ZNF250: variants seen among roughly 807,000 people sequenced by gnomAD.
ZNF250 encodes the protein zinc finger protein 250.
In ZNF250, 13 loss-of-function variants were observed where a neutral mutation model predicts 37.1. That is an observed-to-expected ratio of 0.35 (90% CI 0.23 to 0.56). ZNF250 has a LOEUF of 0.56. Among genes scored for constraint, ZNF250 ranks in the 20% least tolerant of loss-of-function variants. ZNF250 has a pLI of 0.87. For missense variants in ZNF250, 474 were observed against 697.9 expected (o/e 0.68, Z 3.61); for synonymous variants, 251 against 265.6 (o/e 0.94, Z 0.54).
Position 144,889,674 on chromosome 8 carries a change from C to G in ZNF250, c.190G>C (p.Asp64His). The G allele has an allele frequency of 6.2e-7, 1 of 1,613,954 alleles. No individual in the cohort carries two copies. Residue 64 changes from aspartate (D) to histidine (H), a missense_variant, in exon 4 of 6, where the codon GAC becomes CAC. Around this residue, in one of 2 missense-constraint regions of ZNF250, gnomAD observed 192 missense variants for 227.5 expected, o/e 0.84. Transcript: ENST00000417550. The part of the protein sequence containing the change: ...VSLGLPGSKP[D>H]IISQLERGED... ...CCTCGCTCCAGCTGGGAGATTATGT[C>G]AGGCTTGGATCCTGGAAGTCCTGCT...
Position 144,879,984 on chromosome 8 carries a change from T to C in ZNF250, c.*1531A>G, listed in dbSNP as rs1327497754. 6.5e-6 allele frequency: 1 copy of C among 152,724 alleles called. No individual in the cohort carries two copies. The highest frequency in any genetic ancestry group is 2.4e-5 in the African/African-American group (1 of 41,368). The allele number at this position is 152,724 out of a possible 1,614,324, so 9.5% of individuals were successfully genotyped here. A position where few individuals can be genotyped will look rare whatever the true frequency, so the allele number is the denominator to read the frequency against. On this transcript the variant is annotated 3_prime_UTR_variant, in exon 6 of 6. Transcript: ENST00000417550. ...GGGAGGCAGAGGCAGGAGAATTGCT[T>C]GAACCTGGGAGGTGGAGATTGCAGT...
At chr8:144,896,184 AC>A (rs1003172086) in intron 1 of ZNF250, among the ~76,000 whole-genome samples, 2 of 151,664 alleles carry the variant, frequency 1.3e-5, no homozygotes, top group Non-Finnish European at 2.9e-5. Context: ...ATATAGTGAG[AC>A]CCCGTCTCTA....
chr8:144,880,496 A>AT lies in ZNF250; in HGVS notation c.*1018dup, dbSNP rs1831394354. 3 of 456,630 alleles carry AT rather than the reference A, an allele frequency of 6.6e-6. 1 individual carries two copies. In the Admixed American group the frequency reaches 7.0e-5, roughly 11 times the overall value. 28.3% of individuals were successfully genotyped at this position (456,630 alleles called of 1,614,324 possible). On this transcript the variant is annotated 3_prime_UTR_variant, in exon 6 of 6. Transcript: ENST00000417550. ...AGGGCAAGTTTTGAGGAAAATACCC[A>AT]TTTTTGAGTTGAATTTTTACTAAAA...
At chr8:144,898,692 G>C (rs766049453) in intron 1 of ZNF250, among the ~76,000 whole-genome samples, 6 of 152,192 alleles carry the variant, frequency 3.9e-5, no homozygotes, top group Non-Finnish European at 7.3e-5. Context: ...CTATCCATCC[G>C]ATAAGGGATT....
intron 1 of ZNF250, among the ~76,000 whole-genome samples, chr8:144,894,088 C>G (rs1261902646): frequency 6.6e-6 from 1 of 152,046 alleles, no homozygotes; most frequent in Non-Finnish European, 1.5e-5. Context: ...TTTAACATCC[C>G]AAACCAAGCA....
At chr8:144,892,766 C>G (rs189102502) in intron 1 of ZNF250, among the ~76,000 whole-genome samples, 1 of 152,106 alleles carries the variant, frequency 6.6e-6, no homozygotes, top group African/African-American at 2.4e-5. Context: ...CCATGTTGGT[C>G]AGGCTGGTCT....
At chr8:144,884,887 T>A (rs910518940) in intron 5 of ZNF250, among the ~76,000 whole-genome samples, 25 of 152,220 alleles carry the variant, frequency 1.6e-4, no homozygotes, top group Non-Finnish European at 1.5e-5. Context: ...TAACATCATG[T>A]CACAGTGGTT....
intron 5 of ZNF250, among the ~76,000 whole-genome samples, chr8:144,885,465 CTA>C (rs1831805709): frequency 6.6e-6 from 1 of 151,402 alleles, no homozygotes; most frequent in African/African-American, 2.4e-5. Context: ...GAAAGTCACT[CTA>C]TGTGGGTTTT....
intron 1 of ZNF250, among the ~76,000 whole-genome samples, chr8:144,894,530 C>T (rs866623111): frequency 6.6e-6 from 1 of 151,962 alleles, no homozygotes; most frequent in African/African-American, 2.4e-5. Flanking sequence ...CTCATCCTAT[C>T]CCTTTCTCCT....
intron 1 of ZNF250, among the ~76,000 whole-genome samples, chr8:144,899,905 G>T (rs1358862121): frequency 6.6e-6 from 1 of 152,148 alleles, no homozygotes; most frequent in East Asian, 1.9e-4. Flanking sequence ...TTGGAGTGGG[G>T]AAAGCCCTTT....
In ZNF250 at chr8:144,882,924, G is replaced by A. The variant is rs1438992903; in HGVS notation, c.347-88C>T. On this transcript the variant is annotated intron_variant, in intron 5 of 5. Coordinates refer to ENST00000417550, the MANE Select transcript of ZNF250 (RefSeq NM_001109689.4). The surrounding 1 kb of genome is among the most constrained non-coding windows in gnomAD (Gnocchi z 5.5). Reference sequence around the variant, plus strand: ...CCTGAAACTGGCCTTGCTGATGAAGGTGCAAAATCCCTCAATGCACACGTT... The same window carrying A: ...CCTGAAACTGGCCTTGCTGATGAAGATGCAAAATCCCTCAATGCACACGTT... 2.7e-6 allele frequency: 4 copies of A among 1,479,018 alleles called. No individual in the cohort carries two copies. The Admixed American group carries it at 6.4e-5, about 24-fold the overall frequency. 91.6% of individuals were successfully genotyped at this position (1,479,018 alleles called of 1,614,324 possible).
chr8:144,884,798 T>C (rs1044045132), intron 5 of ZNF250, among the ~76,000 whole-genome samples: 5 of 152,216 alleles, frequency 3.3e-5, no homozygotes, highest in African/African-American at 1.2e-4. Context: ...TATGTGAATT[T>C]ACATCCCTAT....
intron 1 of ZNF250, among the ~76,000 whole-genome samples, chr8:144,898,786 T>A (rs1832893101): frequency 2.6e-5 from 4 of 152,000 alleles, no homozygotes; most frequent in Admixed American, 2.6e-4. Context: ...ATGATCTGAG[T>A]AATTTATCAA....
chr8:144,899,885 A>T (rs1832985511), intron 1 of ZNF250, among the ~76,000 whole-genome samples: 1 of 152,244 alleles, frequency 6.6e-6, no homozygotes, highest in South Asian at 2.1e-4. Flanking sequence ...AGTTTATTTT[A>T]AAAATAATCT....
chr8:144,894,951 C>T (rs146259278), intron 1 of ZNF250, among the ~76,000 whole-genome samples: 1 of 152,200 alleles, frequency 6.6e-6, no homozygotes, highest in African/African-American at 2.4e-5. Context: ...GGCCTGAGAA[C>T]ACCACACCCG....
Position 144,881,545 on chromosome 8 carries a change from G to C in ZNF250, c.1638C>G (p.Ile546Met). 1.9e-6 allele frequency: 3 copies of C among 1,602,866 alleles called. No individual in the cohort carries two copies. Among genetic ancestry groups the C allele is most frequent in the Non-Finnish European group, 2.6e-6 (3 of 1,171,548 alleles). The change falls in exon 6 of 6, where the codon ATC becomes ATG. Residue 546 changes from isoleucine (I) to methionine (M), a missense_variant. Physicochemically the swap from Ile to Met is conservative, Grantham distance 10. This residue lies in a region of ZNF250 where 282 missense variants were observed against 470.4 expected (regional missense o/e 0.60). Transcript: ENST00000417550. ...ACTTTCTGTGCACTTTCTGGTGCTG[G>C]ATTAGGTGGCCATGCTGGTTGAAGG... is the stretch of plus-strand genomic sequence containing the variant. The part of the protein sequence containing the change: ...GRAFNQHGHL[I>M]QHQKVHRKL
chr8:144,898,614 T>C lies in ZNF250; in HGVS notation c.-55+2785A>G, dbSNP rs1832881878. On this transcript the variant is annotated intron_variant, in intron 1 of 5. Coordinates refer to ENST00000417550, the MANE Select transcript of ZNF250 (RefSeq NM_001109689.4). ...GGAATTACATCAACTAAAAAGCTTC[T>C]GTACAGGAAAGGAAACAATCAGCAG... Among the ~76,000 whole-genome samples, 3 of 152,136 alleles carry C rather than the reference T, an allele frequency of 2.0e-5. No individual in the cohort carries two copies. In the South Asian group the frequency reaches 6.2e-4, roughly 31 times the overall value.
At chr8:144,889,343 T>G (rs956340018) in intron 4 of ZNF250, among the ~76,000 whole-genome samples, 4 of 152,248 alleles carry the variant, frequency 2.6e-5, no homozygotes, top group African/African-American at 9.6e-5. Flanking sequence ...CCTAACTTCC[T>G]CTACATGGCT....
At chr8:144,892,862 ATT>A (rs34744587) in intron 1 of ZNF250, among the ~76,000 whole-genome samples, 2 of 135,118 alleles carry the variant, frequency 1.5e-5, no homozygotes, top group Non-Finnish European at 3.1e-5. Context: ...CCAGCCACCA[ATT>A]TTTTTTTTTT....
Sources: allele counts gnomAD v4.1 joint callset (sites outside exome capture counted in the v4.1 genomes callset), GRCh38; gene constraint gnomAD v4.1.1; regional missense constraint gnomAD v4.1.1; non-coding constraint Gnocchi (gnomAD v3.1); transcripts MANE v1.5; gene names NCBI Gene and HGNC (gene_info 2026-07-23, HGNC 2026-07-21).